Variants in GRIP1 observed in about 807,000 individuals in gnomAD.
GRIP1 encodes glutamate receptor-interacting protein 1.
In GRIP1, 45 loss-of-function variants were observed where a neutral mutation model predicts 129.9. The observed-to-expected ratio is 0.35, with a 90% CI of 0.27 to 0.44. GRIP1 has a LOEUF of 0.44. GRIP1 is among the 20% of genes least tolerant of loss of function. The probability of loss-of-function intolerance (pLI) is 1.00; values close to 1 mark genes in which losing one functional copy is unlikely to be tolerated. For missense variants in GRIP1, 1,196 were observed against 1,396.8 expected, an observed-to-expected ratio of 0.86 and a Z score of 2.29; for synonymous variants, 530 against 520.8, an observed-to-expected ratio of 1.02 and a Z score of -0.24.
chr12:67,033,642 A>G (rs567065472), intron 1 of GRIP1, among the ~76,000 whole-genome samples: 3 of 152,262 alleles, frequency 2.0e-5, no homozygotes, highest in South Asian at 2.1e-4. Context: ...GAGCTCATCA[A>G]TGGAATTTTA....
chr12:66,503,949 G>C (rs2060458948), intron 7 of GRIP1, among the ~76,000 whole-genome samples: 1 of 152,194 alleles, frequency 6.6e-6, no homozygotes. Context: ...AAGTTAGGCT[G>C]TCTTGGAGCT....
intron 1 of GRIP1, among the ~76,000 whole-genome samples, chr12:66,969,558 G>C (rs57250913): frequency 7.2e-5 from 11 of 151,770 alleles, no homozygotes; most frequent in Non-Finnish European, 1.2e-4. Flanking sequence ...CTGGGACCAC[G>C]GGCATATGCC....
intron 1 of GRIP1, among the ~76,000 whole-genome samples, chr12:67,013,142 G>A (rs2042734132): frequency 6.6e-6 from 1 of 152,112 alleles, no homozygotes. Flanking sequence ...AATATCAGGT[G>A]CAGCAGAAAA....
intron 1 of GRIP1, among the ~76,000 whole-genome samples, chr12:66,654,145 CA>C (rs1204197512): frequency 1.3e-5 from 2 of 151,944 alleles, no homozygotes; most frequent in Admixed American, 6.6e-5. Context: ...ACTTTTTCAA[CA>C]TAGGAATAGA....
chr12:66,375,968 C>A (rs1342225765), intron 22 of GRIP1, among the ~76,000 whole-genome samples: 1 of 152,228 alleles, frequency 6.6e-6, no homozygotes, highest in East Asian at 1.9e-4. Context: ...GGCTACTTTT[C>A]TTCATCATTC....
Position 66,859,766 on chromosome 12 carries a change from T to G in GRIP1, c.58+209284A>C, listed in dbSNP as rs545309579. Reference sequence around the variant, plus strand: ...CCTAAAAATAGTGCTCTGTGGGTGCTGCAGGGCTGTGTTATTCAACATCCT... The same window carrying G: ...CCTAAAAATAGTGCTCTGTGGGTGCGGCAGGGCTGTGTTATTCAACATCCT... On this transcript the variant is annotated intron_variant, in intron 1 of 1. Coordinates refer to the GRIP1 transcript ENST00000643019. 2.6e-5 allele frequency among the ~76,000 whole-genome samples: 4 copies of G among 152,202 alleles called. No homozygotes were observed. In the South Asian group the frequency reaches 8.3e-4, roughly 32 times the overall value.
rs17102531 is a variant in GRIP1, at chr12:66,463,002, C to T, written c.964G>A (p.Ala322Thr). 2.4e-3 allele frequency: 3,909 copies of T among 1,613,768 alleles called. 99 individuals are homozygous for T. The African/African-American group carries it at 0.043, about 18-fold the overall frequency. The change falls in exon 9 of 25, where the codon GCC becomes ACC. Residue 322 changes from alanine to threonine, a missense_variant. Around this residue, in one of 5 missense-constraint regions of GRIP1, gnomAD observed 508 missense variants for 587.0 expected, o/e 0.87. Coordinates refer to ENST00000359742, the MANE Select transcript of GRIP1 (RefSeq NM_001366722.1). ...AGCTTGACCTGGTCAGTGGTGTTGG[C>T]CAGGAACTGGGTTGCTTCTGCAAGT... ...CTLAEATQFL[A>T]NTTDQVKLEI... is the part of the protein sequence containing the mutation.
At chr12:66,748,533 T>A (rs1025419429) in intron 1 of GRIP1, among the ~76,000 whole-genome samples, 1 of 152,240 alleles carries the variant, frequency 6.6e-6, no homozygotes, top group African/African-American at 2.4e-5. Context: ...GTGGCATGTA[T>A]CTATCGTAAG....
chr12:66,408,205 G>A (rs932643714), intron 15 of GRIP1, among the ~76,000 whole-genome samples: 5 of 152,164 alleles, frequency 3.3e-5, no homozygotes, highest in South Asian at 2.1e-4. Context: ...ATGGCTGGGC[G>A]CGGTGGCTCA....
intron 1 of GRIP1, among the ~76,000 whole-genome samples, chr12:66,750,154 A>T (rs112882090): frequency 6.6e-6 from 1 of 152,144 alleles, no homozygotes; most frequent in Admixed American, 6.5e-5. Flanking sequence ...CCTTTGCCCA[A>T]TACTGTCATA....
At chr12:66,939,314 A>G (rs1028653779) in intron 1 of GRIP1, among the ~76,000 whole-genome samples, 2 of 152,036 alleles carry the variant, frequency 1.3e-5, no homozygotes, top group Admixed American at 1.3e-4. Flanking sequence ...ATCACAGCAC[A>G]CTAACCTGGG....
chr12:66,861,175 T>C (rs1490777343), intron 1 of GRIP1, among the ~76,000 whole-genome samples: 1 of 152,148 alleles, frequency 6.6e-6, no homozygotes, highest in African/African-American at 2.4e-5. Flanking sequence ...TATTCTGGCA[T>C]ATGATACACA....
At chr12:66,997,195 T>C (rs1333461097) in intron 1 of GRIP1, among the ~76,000 whole-genome samples, 2 of 150,100 alleles carry the variant, frequency 1.3e-5, no homozygotes, top group Admixed American at 6.6e-5. Flanking sequence ...AATCCTCCTC[T>C]TGAGTATTTT....
chr12:66,613,217 T>C (rs1467111744), intron 1 of GRIP1, among the ~76,000 whole-genome samples: 1 of 152,164 alleles, frequency 6.6e-6, no homozygotes, highest in Admixed American at 6.6e-5. Context: ...ATTTATTAAA[T>C]TACCACTTTA....
chr12:66,723,292 CTTTCTTTCTTTCTTTT>C (rs1565988025), intron 1 of GRIP1, among the ~76,000 whole-genome samples: 1,688 of 28,196 alleles, frequency 0.06, 134 homozygotes, highest in African/African-American at 0.16. Flanking sequence ...TCCTTTCTTT[CTTTCTTTCTTTCTTTT>C]TTTTTTTTTT....
intron 2 of GRIP1, among the ~76,000 whole-genome samples, chr12:66,593,218 G>A (rs1022440610): frequency 1.2e-4 from 18 of 152,066 alleles, no homozygotes; most frequent in Admixed American, 2.0e-4. Flanking sequence ...GAAAGCAAAC[G>A]CATTTTGCTC....
At chr12:66,817,204 A>G (rs75837459) in intron 1 of GRIP1, among the ~76,000 whole-genome samples, 298 of 56,444 alleles carry the variant, frequency 5.3e-3, no homozygotes, top group African/African-American at 0.047. Flanking sequence ...TTCAGTATGC[A>G]CACACACACA....
At chr12:66,894,206 G>C (rs1195016272) in intron 1 of GRIP1, among the ~76,000 whole-genome samples, 1 of 152,146 alleles carries the variant, frequency 6.6e-6, no homozygotes, top group African/African-American at 2.4e-5. Context: ...TCTTCTGTAA[G>C]TACCCATTGG....
At chr12:66,432,400 C>A in intron 14 of GRIP1, 148 bp downstream of exon 14, 1 of 607,122 alleles carries the variant, frequency 1.6e-6, no homozygotes. Flanking sequence ...CCAGTAAGTG[C>A]TGGAGGTGTG....
Sources: gnomAD v4.1 joint callset for allele counts (sites outside exome capture counted in the v4.1 genomes callset) on GRCh38, gnomAD v4.1.1 for gene constraint, gnomAD v4.1.1 regional missense constraint, MANE v1.5 for transcripts, NCBI Gene and HGNC (gene_info 2026-07-23, HGNC 2026-07-21) for gene names.